ZFPM2: variants seen among roughly 807,000 people sequenced by gnomAD.
ZFPM2 encodes the protein zinc finger protein ZFPM2.
ZFPM2 carries 20 observed loss-of-function variants against 98.6 expected under a neutral mutation model. The ratio of observed to expected loss-of-function variants is 0.20; its 90% confidence interval spans 0.14 to 0.29. ZFPM2 has a LOEUF of 0.29. Among genes scored for constraint, ZFPM2 ranks in the 10% least tolerant of loss-of-function variants. The pLI is 1.00. For synonymous variants in ZFPM2, 518 were observed against 502.7 expected (o/e 1.03, Z -0.41); for missense variants, 1,310 against 1,388.6 (o/e 0.94, Z 0.90).
chr8:105,744,284 C>T (rs931820533), intron 5 of ZFPM2, among the ~76,000 whole-genome samples: 6 of 152,066 alleles, frequency 3.9e-5, no homozygotes, highest in Non-Finnish European at 8.8e-5. Flanking sequence ...TATGTGTGAG[C>T]ACTTTCACTG....
At chr8:105,588,938 A>G (rs62527238) in intron 4 of ZFPM2, among the ~76,000 whole-genome samples, 29,718 of 152,186 alleles carry the variant, frequency 0.2, 2,964 homozygotes, top group Middle Eastern at 0.25. Context: ...AACCGAAGTC[A>G]GAGGAAATGC....
intron 2 of ZFPM2, among the ~76,000 whole-genome samples, chr8:105,424,322 G>A (rs1289539428): frequency 6.6e-6 from 1 of 152,012 alleles, no homozygotes; most frequent in Admixed American, 6.6e-5. Flanking sequence ...TTGGGAAGAC[G>A]AAAAATCTTT....
chr8:105,372,744 G>A (rs1810649100), intron 1 of ZFPM2, among the ~76,000 whole-genome samples: 1 of 152,064 alleles, frequency 6.6e-6, no homozygotes, highest in Non-Finnish European at 1.5e-5. Flanking sequence ...ATATGTTTGA[G>A]TTATTTAATA....
At chr8:105,498,729 T>C (rs1813527089) in intron 3 of ZFPM2, among the ~76,000 whole-genome samples, 2 of 152,194 alleles carry the variant, frequency 1.3e-5, no homozygotes, top group South Asian at 2.1e-4. Context: ...TTTGGAAGCC[T>C]ATAAGCAGTT....
At chr8:105,776,020 C>T (rs765676801) in intron 5 of ZFPM2, among the ~76,000 whole-genome samples, 4 of 151,466 alleles carry the variant, frequency 2.6e-5, no homozygotes, top group African/African-American at 7.3e-5. Context: ...TTTACTTTCC[C>T]GAAAGAGGCA....
At chr8:105,588,061 A>T (rs895224001) in intron 4 of ZFPM2, among the ~76,000 whole-genome samples, 14 of 152,064 alleles carry the variant, frequency 9.2e-5, no homozygotes, top group East Asian at 1.9e-4. Flanking sequence ...GCCTTTAAAA[A>T]TTTTTTTTCC....
chr8:105,802,105 G>A lies in ZFPM2; in HGVS notation c.2023G>A (p.Val675Ile). Residue 675 changes from valine to isoleucine, a missense_variant, in exon 8 of 8, where the codon GTC (valine) becomes ATC (isoleucine). Transcript: ENST00000407775. ...ACCTGTTGATGTGAAAAATCCCAGT[G>A]TCCCCTTAGTGGATGGGGAAAGTGA... Reference protein sequence around the residue: ...GKPVDVKNPSVPLVDGESDPN... With the variant: ...GKPVDVKNPSIPLVDGESDPN... 1 of 1,613,830 alleles carries A rather than the reference G, an allele frequency of 6.2e-7. No homozygotes were observed. Among genetic ancestry groups the A allele is most frequent in the Non-Finnish European group, 8.5e-7 (1 of 1,179,858 alleles).
At position 105,788,761 on chromosome 8, in the gene ZFPM2, T is replaced by A. The variant is rs1365427919; in HGVS notation, c.576T>A (p.Gly192=). The change falls in exon 6 of 8, where the codon GGT becomes GGA. Residue 192 remains glycine (G), a synonymous_variant. Coordinates refer to ENST00000407775, the MANE Select transcript of ZFPM2 (RefSeq NM_012082.4). ...WCTTTKAISE[G]EELIAFVVDF... ...CAACTACGAAGGCCATCTCTGAGGG[T>A]GAAGAGCTAATTGCCTTTGTGGTGG... 1 of 1,613,990 alleles carries A rather than the reference T, an allele frequency of 6.2e-7. No individual in the cohort carries two copies. Among genetic ancestry groups the A allele is most frequent in the Admixed American group, 1.7e-5 (1 of 60,018 alleles).
At chr8:105,735,978 A>G (rs771900449) in intron 5 of ZFPM2, among the ~76,000 whole-genome samples, 1 of 152,012 alleles carries the variant, frequency 6.6e-6, no homozygotes, top group African/African-American at 2.4e-5. Context: ...TGATTACTCT[A>G]TGGGAAATTT....
intron 4 of ZFPM2, among the ~76,000 whole-genome samples, chr8:105,567,131 G>A (rs1249791669): frequency 2.0e-5 from 3 of 152,068 alleles, no homozygotes; most frequent in Non-Finnish European, 2.9e-5. Context: ...ATCTTTTCCA[G>A]TATTCATCTT....
intron 5 of ZFPM2, among the ~76,000 whole-genome samples, chr8:105,667,789 ATAGT>A (rs1158655075): frequency 2.0e-5 from 3 of 152,214 alleles, no homozygotes; most frequent in Non-Finnish European, 2.9e-5. Context: ...GTTTTAAAAG[ATAGT>A]TATTTTTATA....
chr8:105,725,351 T>C (rs1811782848), intron 5 of ZFPM2, among the ~76,000 whole-genome samples: 1 of 151,840 alleles, frequency 6.6e-6, no homozygotes, highest in Admixed American at 6.6e-5. Flanking sequence ...ATATTGCAAA[T>C]CATTTTCAAA....
intron 3 of ZFPM2, among the ~76,000 whole-genome samples, chr8:105,531,872 C>A (rs779553562): frequency 2.0e-5 from 3 of 151,948 alleles, no homozygotes; most frequent in African/African-American, 7.3e-5. Flanking sequence ...TTTAAAAATC[C>A]GAATCAATTA....
rs567329970 is a variant in ZFPM2, at chr8:105,497,523, C to T, written c.301+53142C>T. ...ATTTGGTATAATTTATTGATTTAGA[C>T]ATATGGTGCTGAGAAAAATGGAAAT... On this transcript the variant is annotated intron_variant, in intron 3 of 7. Coordinates refer to ENST00000407775, the MANE Select transcript of ZFPM2 (RefSeq NM_012082.4). Among the ~76,000 whole-genome samples the T allele has an allele frequency of 6.6e-5, 10 of 152,190 alleles. No homozygotes were observed. In the South Asian group the frequency reaches 1.5e-3, roughly 22 times the overall value.
At chr8:105,506,585 A>G (rs1046543096) in intron 3 of ZFPM2, among the ~76,000 whole-genome samples, 1 of 152,218 alleles carries the variant, frequency 6.6e-6, no homozygotes, top group Non-Finnish European at 1.5e-5. Flanking sequence ...GGGAAATGAC[A>G]TTAAATAAAA....
At chr8:105,788,248 T>C (rs1563564712) in intron 5 of ZFPM2, among the ~76,000 whole-genome samples, 2 of 152,178 alleles carry the variant, frequency 1.3e-5, no homozygotes, top group African/African-American at 4.8e-5. Context: ...GCATTGGTAT[T>C]GATAGGATGG....
chr8:105,410,081 G>A (rs7839745), intron 1 of ZFPM2, among the ~76,000 whole-genome samples: 39,284 of 151,612 alleles, frequency 0.26, 5,384 homozygotes, highest in Admixed American at 0.33. Context: ...TAAAATGGAG[G>A]ATTATAAAAG....
intron 1 of ZFPM2, among the ~76,000 whole-genome samples, chr8:105,371,934 A>T (rs1322929159): frequency 1.3e-5 from 2 of 151,802 alleles, no homozygotes; most frequent in Non-Finnish European, 2.9e-5. Context: ...ATACTGGACT[A>T]CTTAGGATAA....
intron 3 of ZFPM2, among the ~76,000 whole-genome samples, chr8:105,515,837 ACT>A (rs1202958802): frequency 6.6e-6 from 1 of 151,142 alleles, no homozygotes; most frequent in Admixed American, 6.6e-5. Flanking sequence ...ATGAACATTA[ACT>A]CTGATTGCTC....
Sources: allele counts gnomAD v4.1 joint callset (sites outside exome capture counted in the v4.1 genomes callset), GRCh38; gene constraint gnomAD v4.1.1; transcripts MANE v1.5; gene names NCBI Gene and HGNC (gene_info 2026-07-23, HGNC 2026-07-21).